The following ZCCHC17 variants were observed in gnomAD, a reference collection of about 807,000 sequenced individuals.
ZCCHC17 encodes the protein zinc finger CCHC-type containing 17.
ZCCHC17 carries 18 observed loss-of-function variants against 30.6 expected under a neutral mutation model. The observed-to-expected ratio is 0.59, with a 90% CI of 0.41 to 0.87. The LOEUF (loss-of-function observed/expected upper bound fraction) is 0.87, where lower values mean the gene tolerates loss of function less well. Among genes scored for constraint, ZCCHC17 ranks in the 40% least tolerant of loss-of-function variants. ZCCHC17 has a pLI of 0.00. For missense variants in ZCCHC17, 263 were observed against 284.2 expected (o/e 0.93, Z 0.54); for synonymous variants, 88 against 92.4 (o/e 0.95, Z 0.27).
chr1:31,337,171 C>G lies in ZCCHC17; in HGVS notation c.125-4C>G. ...TTTACGTTATTTCTTCTTCTTGTGC[C>G]CAGGTCTGGTCCATCGAACTCATAT... On this transcript the variant is annotated splice_polypyrimidine_tract_variant and splice_region_variant and intron_variant, in intron 3 of 7. Coordinates refer to ENST00000344147, the MANE Select transcript of ZCCHC17 (RefSeq NM_016505.4). 6.2e-7 allele frequency: 1 copy of G among 1,613,212 alleles called. No individual in the cohort carries two copies. Among genetic ancestry groups the G allele is most frequent in the Non-Finnish European group, 8.5e-7 (1 of 1,179,442 alleles).
chr1:31,360,165 GTGTTT>G, intron 7 of ZCCHC17, among the ~76,000 whole-genome samples: 1 of 150,436 alleles, frequency 6.6e-6, no homozygotes, highest in African/African-American at 2.5e-5. Flanking sequence ...TTGTGTGTGC[GTGTTT>G]TGTTTTGTTT....
chr1:31,354,955 A>C (rs1227362312), intron 7 of ZCCHC17, among the ~76,000 whole-genome samples: 1 of 152,170 alleles, frequency 6.6e-6, no homozygotes, highest in Non-Finnish European at 1.5e-5. Context: ...CGGGTGGATC[A>C]CTTGAGATCA....
intron 3 of ZCCHC17, among the ~76,000 whole-genome samples, chr1:31,333,823 C>G (rs868131708): frequency 6.6e-6 from 1 of 152,146 alleles, no homozygotes; most frequent in Non-Finnish European, 1.5e-5. Flanking sequence ...AATAGACTTT[C>G]TGTTTTAGGG....
At chr1:31,308,175 T>G (rs561731939) in intron 1 of ZCCHC17, among the ~76,000 whole-genome samples, 32 of 152,350 alleles carry the variant, frequency 2.1e-4, no homozygotes, top group African/African-American at 7.5e-4. Context: ...TTATGAGCTA[T>G]TTCTCAAGAA....
At chr1:31,310,668 C>A (rs903974540) in intron 2 of ZCCHC17, among the ~76,000 whole-genome samples, 1 of 152,246 alleles carries the variant, frequency 6.6e-6, no homozygotes, top group Admixed American at 6.5e-5. Flanking sequence ...TGCTCTTGGA[C>A]TTTCCAACCT....
intron 3 of ZCCHC17, among the ~76,000 whole-genome samples, chr1:31,328,089 A>G (rs1638429341): frequency 6.6e-6 from 1 of 152,224 alleles, no homozygotes; most frequent in Admixed American, 6.5e-5. Context: ...AATTGTGAAG[A>G]AGGAAAAATT....
At chr1:31,324,625 T>A (rs1202030908) in intron 3 of ZCCHC17, among the ~76,000 whole-genome samples, 1 of 152,246 alleles carries the variant, frequency 6.6e-6, no homozygotes, top group Non-Finnish European at 1.5e-5. Flanking sequence ...GCCTGGGCAC[T>A]ATTGCAACCT....
intron 7 of ZCCHC17, among the ~76,000 whole-genome samples, chr1:31,363,184 T>G (rs1203531527): frequency 6.9e-6 from 1 of 144,814 alleles, no homozygotes; most frequent in Non-Finnish European, 1.5e-5. Context: ...GTCTTATACT[T>G]TTTTTTTTTT....
chr1:31,328,042 C>T (rs1481895470), intron 3 of ZCCHC17, among the ~76,000 whole-genome samples: 2 of 152,130 alleles, frequency 1.3e-5, no homozygotes, highest in Non-Finnish European at 2.9e-5. Context: ...CCTGTGGTTG[C>T]TAAGATCTAC....
At chr1:31,341,086 C>T (rs1186538641) in intron 5 of ZCCHC17, among the ~76,000 whole-genome samples, 1 of 152,122 alleles carries the variant, frequency 6.6e-6, no homozygotes, top group Non-Finnish European at 1.5e-5. Flanking sequence ...ATCAGGGACT[C>T]AAAACTCAGT....
At chr1:31,340,071 C>G (rs1371789007) in intron 5 of ZCCHC17, among the ~76,000 whole-genome samples, 3 of 150,514 alleles carry the variant, frequency 2.0e-5, no homozygotes, top group African/African-American at 7.3e-5. Flanking sequence ...ATCCTCCCAC[C>G]TCAGCCTACC....
intron 7 of ZCCHC17, among the ~76,000 whole-genome samples, chr1:31,354,178 A>AT (rs1557458998): frequency 6.6e-6 from 1 of 151,512 alleles, no homozygotes; most frequent in East Asian, 1.9e-4. Context: ...CTTCCTAAGT[A>AT]TTTTTTTCTT....
chr1:31,348,013 G>C (rs990386316), intron 6 of ZCCHC17, among the ~76,000 whole-genome samples: 2 of 103,998 alleles, frequency 1.9e-5, no homozygotes, highest in Admixed American at 1.9e-4. Flanking sequence ...ATCTGTTAAA[G>C]GGCCCCTCAG....
At chr1:31,355,774 C>A (rs1041151571) in intron 7 of ZCCHC17, among the ~76,000 whole-genome samples, 1 of 152,184 alleles carries the variant, frequency 6.6e-6, no homozygotes, top group Non-Finnish European at 1.5e-5. Context: ...CGTTAGCCAT[C>A]ATGTGATGTT....
At chr1:31,325,174 A>G (rs1638285228) in intron 3 of ZCCHC17, among the ~76,000 whole-genome samples, 1 of 152,036 alleles carries the variant, frequency 6.6e-6, no homozygotes, top group South Asian at 2.1e-4. Context: ...CTCTGCTAAG[A>G]GCTGCACTCA....
At chr1:31,335,296 G>A (rs528832630) in intron 3 of ZCCHC17, among the ~76,000 whole-genome samples, 4 of 152,338 alleles carry the variant, frequency 2.6e-5, no homozygotes, top group African/African-American at 9.6e-5. Context: ...AATAAGCAAG[G>A]TGGTTCTCCC....
chr1:31,337,193 A>T lies in ZCCHC17; in HGVS notation c.143A>T (p.His48Leu). 1 of 1,613,996 alleles carries T rather than the reference A, an allele frequency of 6.2e-7. No homozygotes were observed. Among genetic ancestry groups the T allele is most frequent in the South Asian group, 1.1e-5 (1 of 91,076 alleles). The change falls in exon 4 of 8, where the codon CAT becomes CTT. Residue 48 changes from histidine to leucine, a missense_variant. His to Leu is a moderately conservative substitution (Grantham distance 99). Coordinates refer to ENST00000344147, the MANE Select transcript of ZCCHC17 (RefSeq NM_016505.4). ...CRKQGLVHRT[H>L]MSSCRVDKPS... ...TGCCCAGGTCTGGTCCATCGAACTC[A>T]TATGTCATCCTGTCGGGTGGATAAG... is the stretch of plus-strand genomic sequence containing the variant.
At chr1:31,348,788 C>G in intron 6 of ZCCHC17, 41 bp from the exon 7 acceptor site, 1 of 1,610,996 alleles carries the variant, frequency 6.2e-7, no homozygotes, top group East Asian at 2.2e-5. Flanking sequence ...AGAAGAGAGA[C>G]TACTTCCTTT....
chr1:31,299,327 GAAA>G (rs139719164), intron 1 of ZCCHC17, among the ~76,000 whole-genome samples: 23 of 151,210 alleles, frequency 1.5e-4, no homozygotes, highest in African/African-American at 5.3e-4. Flanking sequence ...AGGATGCAAG[GAAA>G]AAAAAAATTT....
Sources: allele counts gnomAD v4.1 joint callset (sites outside exome capture counted in the v4.1 genomes callset), GRCh38; gene constraint gnomAD v4.1.1; transcripts MANE v1.5; gene names NCBI Gene and HGNC (gene_info 2026-07-23, HGNC 2026-07-21).